OR56A3: variants seen among roughly 807,000 people sequenced by gnomAD.
OR56A3 encodes the protein olfactory receptor family 56 subfamily A member 3.
OR56A3 carries 23 observed loss-of-function variants against 17.5 expected under a neutral mutation model. That is an observed-to-expected ratio of 1.32 (90% CI 0.95 to 1.87). The LOEUF (loss-of-function observed/expected upper bound fraction) is 1.87. Ranked by LOEUF, OR56A3 falls within the 40% of genes most tolerant of loss-of-function variation. The pLI is 0.00. For missense variants in OR56A3, 366 were observed against 380.1 expected, an observed-to-expected ratio of 0.96 and a Z score of 0.31; for synonymous variants, 175 against 150.6, an observed-to-expected ratio of 1.16 and a Z score of -1.19.
At chr11:5,991,950 G>T in the OR56A3 span, among the ~76,000 whole-genome samples, 1 of 152,210 alleles carries the variant, frequency 6.6e-6, no homozygotes, top group Non-Finnish European at 1.5e-5. Context: ...CAGCCCACAG[G>T]GGTAGGTGAT....
the OR56A3 span, among the ~76,000 whole-genome samples, chr11:6,009,086 T>A: frequency 6.6e-6 from 1 of 152,190 alleles, no homozygotes; most frequent in East Asian, 1.9e-4. Context: ...GTTAATGTAA[T>A]CTTATTTGGA....
the OR56A3 span, among the ~76,000 whole-genome samples, chr11:5,990,539 G>C: frequency 2.0e-5 from 3 of 152,128 alleles, no homozygotes; most frequent in East Asian, 5.8e-4. Context: ...AGGAAGAGAG[G>C]CTCCATCTAT....
chr11:5,984,341 A>T, the OR56A3 span, among the ~76,000 whole-genome samples: 1 of 152,284 alleles, frequency 6.6e-6, no homozygotes, highest in South Asian at 2.1e-4. Context: ...GTTACAACAA[A>T]GATTACCAAA....
the OR56A3 span, among the ~76,000 whole-genome samples, chr11:6,015,870 CT>C: frequency 3.3e-5 from 5 of 152,132 alleles, no homozygotes; most frequent in African/African-American, 1.2e-4. Flanking sequence ...GGACTTTGGA[CT>C]TTCAAGCTAA....
chr11:5,953,755 T>C (rs138661426), downstream of OR56A3, among the ~76,000 whole-genome samples: 640 of 152,344 alleles, frequency 4.2e-3, 4 homozygotes, highest in African/African-American at 0.015. Flanking sequence ...ATTTTGTATT[T>C]ATGAAGATAA....
At chr11:5,995,602 A>G in the OR56A3 span, among the ~76,000 whole-genome samples, 1 of 152,124 alleles carries the variant, frequency 6.6e-6, no homozygotes, top group African/African-American at 2.4e-5. Context: ...TTCTTTTAGT[A>G]TGTTTTTAAT....
chr11:5,951,786 C>G (rs1351810263), downstream of OR56A3, among the ~76,000 whole-genome samples: 6 of 152,064 alleles, frequency 3.9e-5, no homozygotes, highest in African/African-American at 1.4e-4. Flanking sequence ...TATTATGGTG[C>G]TGGGGTTGTA....
At chr11:5,981,960 C>A in the OR56A3 span, among the ~76,000 whole-genome samples, 3 of 151,986 alleles carry the variant, frequency 2.0e-5, no homozygotes, top group African/African-American at 7.3e-5. Context: ...GTTGTGTGCT[C>A]TAACCCTGAG....
chr11:5,986,591 C>T, the OR56A3 span: 54 of 1,613,724 alleles, frequency 3.3e-5, no homozygotes, highest in East Asian at 3.1e-4. Context: ...ATCAGGCAGA[C>T]GATGTACCCA....
At chr11:6,006,085 A>G in the OR56A3 span, among the ~76,000 whole-genome samples, 30 of 152,324 alleles carry the variant, frequency 2.0e-4, no homozygotes, top group African/African-American at 7.2e-4. Flanking sequence ...GGCTACAAGA[A>G]AATTCAGTGT....
At chr11:5,985,700 G>A in the OR56A3 span, among the ~76,000 whole-genome samples, 7 of 152,216 alleles carry the variant, frequency 4.6e-5, no homozygotes, top group Non-Finnish European at 1.0e-4. Flanking sequence ...GACACAAGGA[G>A]TAGAGAAATG....
chr11:5,948,006 C>T lies in OR56A3; in HGVS notation c.660C>T (p.Leu220=), dbSNP rs1213880328. 1.2e-6 allele frequency: 2 copies of T among 1,614,236 alleles called. No individual in the cohort carries two copies. The highest frequency in any genetic ancestry group is 1.7e-6 in the Non-Finnish European group (2 of 1,180,044). The change falls in exon 3 of 3, where the codon CTC becomes CTT. Residue 220 remains leucine, a synonymous_variant. Coordinates refer to ENST00000641160, the MANE Select transcript of OR56A3 (RefSeq NM_001003443.3). ...GATCTGACCTCATCCTTATCTTCCTCTCCTACACCTTCATTCTGCGAGCTG... is the reference window on the plus strand; with the variant it reads ...GATCTGACCTCATCCTTATCTTCCTTTCCTACACCTTCATTCTGCGAGCTG... ...LLGSDLILIF[L]SYTFILRAVL...
At chr11:5,954,541 AT>A (rs1201024240), downstream of OR56A3, among the ~76,000 whole-genome samples, 2 of 152,136 alleles carry the variant, frequency 1.3e-5, no homozygotes, top group East Asian at 1.9e-4. Context: ...TAAGTTGATC[AT>A]TTTTTTAAAT....
the OR56A3 span, among the ~76,000 whole-genome samples, chr11:6,018,849 C>A: frequency 5.3e-5 from 8 of 151,836 alleles, no homozygotes; most frequent in African/African-American, 1.9e-4. Flanking sequence ...GAAGATATTA[C>A]AACTGATACC....
chr11:5,955,022 A>G (rs1466950531), downstream of OR56A3, among the ~76,000 whole-genome samples: 1 of 152,242 alleles, frequency 6.6e-6, no homozygotes, highest in Admixed American at 6.5e-5. Flanking sequence ...CTGCAAATAT[A>G]CAGGAATAAA....
chr11:5,947,483 A>T lies in OR56A3; in HGVS notation c.137A>T (p.Asn46Ile). The change falls in exon 3 of 3, where the codon AAC becomes ATC. Residue 46 changes from asparagine (N) to isoleucine (I), a missense_variant. Physicochemically the swap from Asn to Ile is moderately radical, Grantham distance 149 (BLOSUM62 -3). Coordinates refer to ENST00000641160, the MANE Select transcript of OR56A3 (RefSeq NM_001003443.3). ...SLLFLLAVGA[N>I]TTLLMTIWLE... ...CTTTTCCTCTTGGCCGTAGGGGCCA[A>T]CACCACCCTCCTGATGACCATCTGG... The T allele has an allele frequency of 1.9e-6, 3 of 1,613,918 alleles. No homozygotes were observed. Among genetic ancestry groups the T allele is most frequent in the Non-Finnish European group, 1.7e-6 (2 of 1,179,886 alleles).
At chr11:6,014,253 T>A in the OR56A3 span, among the ~76,000 whole-genome samples, 3 of 152,182 alleles carry the variant, frequency 2.0e-5, no homozygotes, top group African/African-American at 7.2e-5. Context: ...ATAGTTTGGA[T>A]CTGTGTCCCC....
At chr11:5,969,253 A>C in the OR56A3 span, among the ~76,000 whole-genome samples, 1 of 152,262 alleles carries the variant, frequency 6.6e-6, no homozygotes, top group Non-Finnish European at 1.5e-5. Flanking sequence ...ATGAGAACTT[A>C]ACACACATAT....
the OR56A3 span, chr11:5,995,121 G>A: frequency 1.7e-6 from 1 of 578,922 alleles, no homozygotes; most frequent in South Asian, 1.9e-5. Flanking sequence ...CCAGGGACCG[G>A]TAGTTGGTGG....
Sources: gnomAD v4.1 joint callset for allele counts (sites outside exome capture counted in the v4.1 genomes callset) on GRCh38, gnomAD v4.1.1 for gene constraint, MANE v1.5 for transcripts, NCBI Gene and HGNC (gene_info 2026-07-23, HGNC 2026-07-21) for gene names.